Variants in UBE2D3 observed in about 807,000 individuals in gnomAD.
UBE2D3 encodes ubiquitin conjugating enzyme E2 D3.
In UBE2D3, 2 loss-of-function variants were observed where a neutral mutation model predicts 22.8. That is an observed-to-expected ratio of 0.09 (90% CI 0.04 to 0.28). UBE2D3 has a LOEUF of 0.28. Ranked by LOEUF, UBE2D3 falls within the 10% of genes least tolerant of loss-of-function variation. The pLI is 1.00. For missense variants in UBE2D3, 27 were observed against 182.5 expected (o/e 0.15, Z 4.91); for synonymous variants, 56 against 60.4 (o/e 0.93, Z 0.34).
At chr4:102,862,610 T>C (rs889117157) in intron 1 of UBE2D3, among the ~76,000 whole-genome samples, 2 of 152,240 alleles carry the variant, frequency 1.3e-5, no homozygotes, top group Non-Finnish European at 2.9e-5. Context: ...AATGCGTAGA[T>C]TGTGTATTTT....
At chr4:102,826,756 C>G (rs1730569368) in intron 1 of UBE2D3, 120 bp from the exon 2 acceptor site, 2 of 1,417,176 alleles carry the variant, frequency 1.4e-6, no homozygotes, top group Admixed American at 3.0e-5. Context: ...AAGCCACCAA[C>G]AGCCTCTGTA....
rs921432029 is a variant in UBE2D3 at position 102,842,969 on chromosome 4, A to G, written c.-128-16333T>C. On this transcript the variant is annotated intron_variant, in intron 1 of 7. Coordinates refer to the UBE2D3 transcript ENST00000338145. Reference sequence around the variant, plus strand: ...TACTAAAAATACAAAAATTAGCTGGAAGTGGTGGTGCATGCTTGTAATCCC... The same window carrying G: ...TACTAAAAATACAAAAATTAGCTGGGAGTGGTGGTGCATGCTTGTAATCCC... 2.8e-5 allele frequency among the ~76,000 whole-genome samples: 4 copies of G among 142,418 alleles called. No individual in the cohort carries two copies. In the Admixed American group the frequency reaches 2.8e-4, roughly 10 times the overall value. 93.4% of individuals were successfully genotyped at this position (142,418 alleles called of 152,430 possible).
chr4:102,829,919 C>CA (rs150018312), upstream of UBE2D3, among the ~76,000 whole-genome samples: 2,524 of 148,266 alleles, frequency 0.017, 49 homozygotes, highest in African/African-American at 0.044. Context: ...GACCCTGTCT[C>CA]AAAAAAAAAC....
chr4:102,817,439 AAG>A (rs1728928677), intron 2 of UBE2D3, among the ~76,000 whole-genome samples: 3 of 152,178 alleles, frequency 2.0e-5, no homozygotes, highest in Admixed American at 6.5e-5. Flanking sequence ...TGAGTCCCTT[AAG>A]AGAGGGGAAA....
intron 1 of UBE2D3, among the ~76,000 whole-genome samples, chr4:102,856,884 A>G (rs932967859): frequency 6.6e-6 from 1 of 152,202 alleles, no homozygotes; most frequent in Non-Finnish European, 1.5e-5. Flanking sequence ...ATAATTGGTT[A>G]CCCAGGGGTA....
intron 1 of UBE2D3, among the ~76,000 whole-genome samples, chr4:102,844,706 T>A (rs1050251870): frequency 5.9e-5 from 9 of 152,022 alleles, no homozygotes; most frequent in African/African-American, 2.2e-4. Flanking sequence ...TAGTACAAGT[T>A]AAGAGACAGT....
intron 5 of UBE2D3, 68 bp from the exon 6 acceptor site, chr4:102,801,627 TAATC>T: frequency 2.4e-6 from 3 of 1,249,166 alleles, no homozygotes; most frequent in Non-Finnish European, 2.2e-6. Flanking sequence ...AAACTTAAAA[TAATC>T]AAGCCACAAT....
intron 1 of UBE2D3, among the ~76,000 whole-genome samples, chr4:102,854,224 AT>A (rs1051907816): frequency 1.3e-5 from 2 of 151,572 alleles, no homozygotes; most frequent in East Asian, 3.9e-4. Context: ...TTTCGTTTAG[AT>A]TTTTTTTGCA....
intron 2 of UBE2D3, among the ~76,000 whole-genome samples, chr4:102,826,117 CAAG>C (rs1730432001): frequency 6.6e-6 from 1 of 152,036 alleles, no homozygotes; most frequent in South Asian, 2.1e-4. Flanking sequence ...TTTCAAGCAC[CAAG>C]AATAGGAAGC....
chr4:102,798,380 A>G (rs1212060167), intron 7 of UBE2D3, among the ~76,000 whole-genome samples: 1 of 150,828 alleles, frequency 6.6e-6, no homozygotes. Flanking sequence ...CAACTTTCCT[A>G]AACTTTTTAA....
At chr4:102,825,520 A>C in intron 2 of UBE2D3, 2 of 1,176,968 alleles carry the variant, frequency 1.7e-6, no homozygotes, top group South Asian at 3.3e-5. Flanking sequence ...GAACCAGTTA[A>C]AGCAGCCGCC....
chr4:102,797,533 T>A, intron 7 of UBE2D3, 73 bp from the exon 8 acceptor site: 1 of 1,259,250 alleles, frequency 7.9e-7, no homozygotes, highest in Non-Finnish European at 1.1e-6. Context: ...GGGAAAGATT[T>A]CCATTTTATC....
At chr4:102,853,188 G>A (rs1304460150) in intron 1 of UBE2D3, among the ~76,000 whole-genome samples, 3 of 121,366 alleles carry the variant, frequency 2.5e-5, no homozygotes, top group Non-Finnish European at 4.7e-5. Flanking sequence ...TGTCGCCCAG[G>A]CTGGAGTGCA....
At chr4:102,831,350 G>A (rs919372491), upstream of UBE2D3, among the ~76,000 whole-genome samples, 4 of 152,172 alleles carry the variant, frequency 2.6e-5, no homozygotes, top group African/African-American at 7.2e-5. Context: ...TTTATTTCAT[G>A]CTAAGATGTC....
intron 2 of UBE2D3, among the ~76,000 whole-genome samples, chr4:102,815,923 A>C (rs1728726064): frequency 6.6e-6 from 1 of 152,220 alleles, no homozygotes; most frequent in Non-Finnish European, 1.5e-5. Flanking sequence ...AATAGTATCT[A>C]ATATTACTAT....
At chr4:102,808,898 C>A (rs1727503337) in intron 4 of UBE2D3, among the ~76,000 whole-genome samples, 1 of 151,952 alleles carries the variant, frequency 6.6e-6, no homozygotes, top group Non-Finnish European at 1.5e-5. Flanking sequence ...TACTTACTGA[C>A]CATTATCTCA....
intron 2 of UBE2D3, among the ~76,000 whole-genome samples, chr4:102,817,693 G>C (rs1041127400): frequency 6.6e-6 from 1 of 152,124 alleles, no homozygotes; most frequent in Non-Finnish European, 1.5e-5. Flanking sequence ...GTTTTCCTTA[G>C]TATTTATTTC....
chr4:102,806,533 G>A (rs1239363116), intron 4 of UBE2D3, among the ~76,000 whole-genome samples: 3 of 151,950 alleles, frequency 2.0e-5, no homozygotes, highest in Non-Finnish European at 4.4e-5. Context: ...AATCCTTATG[G>A]ACCAAATAAA....
chr4:102,811,721 A>C (rs1184404301), intron 2 of UBE2D3: 7 of 422,880 alleles, frequency 1.7e-5, no homozygotes, highest in Non-Finnish European at 3.2e-5. Context: ...CATATACAAA[A>C]GACCAAGTAC....
Sources: gnomAD v4.1 joint callset for allele counts (sites outside exome capture counted in the v4.1 genomes callset) on GRCh38, gnomAD v4.1.1 for gene constraint, MANE v1.5 for transcripts, NCBI Gene and HGNC (gene_info 2026-07-23, HGNC 2026-07-21) for gene names.